PIP5K1B: variants seen among roughly 807,000 people sequenced by gnomAD.
PIP5K1B encodes the protein phosphatidylinositol 4-phosphate 5-kinase type-1 beta.
PIP5K1B carries 42 observed loss-of-function variants against 67.0 expected under a neutral mutation model. That is an observed-to-expected ratio of 0.63 (90% CI 0.49 to 0.81). PIP5K1B has a LOEUF of 0.81. Ranked by LOEUF, PIP5K1B falls within the 30% of genes least tolerant of loss-of-function variation. PIP5K1B has a pLI of 0.00. For synonymous variants in PIP5K1B, 214 were observed against 231.4 expected, an observed-to-expected ratio of 0.92 and a Z score of 0.68; for missense variants, 459 against 646.3, an observed-to-expected ratio of 0.71 and a Z score of 3.14.
intron 14 of PIP5K1B, among the ~76,000 whole-genome samples, chr9:68,952,854 C>CCTTT (rs897279092): frequency 6.7e-6 from 1 of 150,334 alleles, no homozygotes; most frequent in Non-Finnish European, 1.5e-5. Flanking sequence ...TTTCTTCCTT[C>CCTTT]CTTTCTTTCT....
At chr9:68,979,235 A>G (rs994760965) in intron 14 of PIP5K1B, among the ~76,000 whole-genome samples, 3 of 152,218 alleles carry the variant, frequency 2.0e-5, no homozygotes. Context: ...TCAAATCCAA[A>G]TGCCACCAGA....
intron 13 of PIP5K1B, 63 bp from the exon 14 acceptor site, chr9:68,940,583 A>G (rs1827506860): frequency 1.4e-6 from 2 of 1,477,670 alleles, no homozygotes; most frequent in South Asian, 1.2e-5. Context: ...TTCAATTATT[A>G]TAGATACTAA....
At chr9:68,833,826 G>C (rs80184323) in intron 4 of PIP5K1B, among the ~76,000 whole-genome samples, 27,804 of 152,178 alleles carry the variant, frequency 0.18, 2,622 homozygotes, top group East Asian at 0.24. Flanking sequence ...ACCATCTGTT[G>C]AGACAGAGAT....
intron 8 of PIP5K1B, among the ~76,000 whole-genome samples, chr9:68,899,260 T>A (rs1023594804): frequency 6.6e-6 from 1 of 152,202 alleles, no homozygotes; most frequent in Non-Finnish European, 1.5e-5. Flanking sequence ...TCCAAGACCG[T>A]GCTGTTGTGG....
chr9:68,926,504 G>A (rs1330799522), intron 12 of PIP5K1B, among the ~76,000 whole-genome samples: 1 of 152,030 alleles, frequency 6.6e-6, no homozygotes, highest in Non-Finnish European at 1.5e-5. Flanking sequence ...CTTTTAAAGT[G>A]TACAGGCCTA....
At chr9:68,920,821 C>CACACAT (rs1468098856) in intron 11 of PIP5K1B, among the ~76,000 whole-genome samples, 1 of 151,778 alleles carries the variant, frequency 6.6e-6, no homozygotes, top group Non-Finnish European at 1.5e-5. Context: ...CACACACACA[C>CACACAT]ACACACACAC....
At chr9:68,991,500 A>G (rs964314921) in intron 15 of PIP5K1B, among the ~76,000 whole-genome samples, 1 of 152,214 alleles carries the variant, frequency 6.6e-6, no homozygotes, top group African/African-American at 2.4e-5. Flanking sequence ...CGAATCCTCT[A>G]ATGTTGAGGC....
chr9:68,730,532 C>T (rs181336689), intron 1 of PIP5K1B, among the ~76,000 whole-genome samples: 1 of 152,276 alleles, frequency 6.6e-6, no homozygotes, highest in East Asian at 1.9e-4. Context: ...GATCTGTTAT[C>T]GCGGCCCATA....
At chr9:68,945,026 G>C (rs1438410282) in intron 14 of PIP5K1B, among the ~76,000 whole-genome samples, 3 of 150,032 alleles carry the variant, frequency 2.0e-5, no homozygotes, top group African/African-American at 7.4e-5. Flanking sequence ...TGGTTGGTTG[G>C]TTTTTTTCCT....
intron 2 of PIP5K1B, chr9:68,783,337 T>C (rs1344228907): frequency 6.0e-6 from 1 of 166,908 alleles, no homozygotes; most frequent in Non-Finnish European, 1.5e-5. Context: ...TCATGTACTT[T>C]TCTTGTGTCT....
At chr9:68,744,128 A>G (rs1829155784) in intron 2 of PIP5K1B, among the ~76,000 whole-genome samples, 1 of 152,214 alleles carries the variant, frequency 6.6e-6, no homozygotes, top group South Asian at 2.1e-4. Context: ...TGCCATAGAT[A>G]CTGAAGGCTC....
At chr9:68,793,876 T>C (rs150182769) in intron 2 of PIP5K1B, among the ~76,000 whole-genome samples, 217 of 152,204 alleles carry the variant, frequency 1.4e-3, no homozygotes, top group Non-Finnish European at 2.3e-3. Flanking sequence ...GAAAGTGTCA[T>C]TAAAGAAAAG....
chr9:68,766,447 A>G (rs1161620152), intron 2 of PIP5K1B, among the ~76,000 whole-genome samples: 3 of 152,230 alleles, frequency 2.0e-5, no homozygotes, highest in Non-Finnish European at 4.4e-5. Flanking sequence ...CTACCTGCTT[A>G]TCCCCTATTA....
rs549461992 is a variant in PIP5K1B at position 68,843,439 on chromosome 9, C to T, written c.70-20398C>T. On this transcript the variant is annotated intron_variant, in intron 4 of 15. Transcript: ENST00000265382. ...AAAAATTTCCATATTTGGGGGTTTT[C>T]CCCATTGCCAGGTGGTTACATTCCA... Among the ~76,000 whole-genome samples, 10 of 152,268 alleles carry T rather than the reference C, an allele frequency of 6.6e-5. 1 individual carries two copies. The highest frequency in any genetic ancestry group is 2.4e-4 in the African/African-American group (10 of 41,550).
At chr9:68,792,104 T>G (rs1240854748) in intron 2 of PIP5K1B, among the ~76,000 whole-genome samples, 1 of 152,256 alleles carries the variant, frequency 6.6e-6, no homozygotes, top group Non-Finnish European at 1.5e-5. Flanking sequence ...GGTGCTTTCT[T>G]CTGTGATCCT....
chr9:68,880,382 G>T (rs111686902), intron 6 of PIP5K1B, among the ~76,000 whole-genome samples: 2,758 of 152,118 alleles, frequency 0.018, 77 homozygotes, highest in African/African-American at 0.061. Flanking sequence ...GCAAAATCCC[G>T]TCTCTACCAA....
At chr9:68,774,148 T>C (rs1336905118) in intron 2 of PIP5K1B, among the ~76,000 whole-genome samples, 1 of 152,168 alleles carries the variant, frequency 6.6e-6, no homozygotes, top group East Asian at 1.9e-4. Flanking sequence ...ATTGCTTTCT[T>C]AGAAGTAACT....
chr9:68,814,053 C>G (rs979475449), intron 2 of PIP5K1B, among the ~76,000 whole-genome samples: 4 of 152,068 alleles, frequency 2.6e-5, no homozygotes, highest in African/African-American at 9.7e-5. Flanking sequence ...CCTGGGCCAC[C>G]TTGATGGGGA....
chr9:68,972,957 C>G (rs1455415818), intron 14 of PIP5K1B, among the ~76,000 whole-genome samples: 2 of 152,154 alleles, frequency 1.3e-5, no homozygotes, highest in Non-Finnish European at 2.9e-5. Context: ...TAGGTGCCTT[C>G]CGAAGGCAAG....
Sources: gnomAD v4.1 joint callset for allele counts (sites outside exome capture counted in the v4.1 genomes callset) on GRCh38, gnomAD v4.1.1 for gene constraint, MANE v1.5 for transcripts, NCBI Gene and HGNC (gene_info 2026-07-23, HGNC 2026-07-21) for gene names.